Variants in PARD3B observed in about 807,000 individuals in gnomAD.
PARD3B encodes partitioning defective 3 homolog B.
PARD3B carries 103 observed loss-of-function variants against 130.2 expected under a neutral mutation model. The observed-to-expected ratio is 0.79, with a 90% CI of 0.67 to 0.93. The LOEUF is 0.93. Among genes scored for constraint, PARD3B ranks in the 40% least tolerant of loss-of-function variants. PARD3B has a pLI of 0.00. For missense variants in PARD3B, 1,609 were observed against 1,499.2 expected (o/e 1.07, Z -1.21); for synonymous variants, 583 against 553.2 (o/e 1.05, Z -0.76).
At chr2:204,982,819 T>G (rs1046208623) in intron 3 of PARD3B, among the ~76,000 whole-genome samples, 1 of 152,222 alleles carries the variant, frequency 6.6e-6, no homozygotes, top group Non-Finnish European at 1.5e-5. Flanking sequence ...AATTAGTCAT[T>G]GTATCTGATA....
At position 204,890,799 on chromosome 2, in the gene PARD3B, A is replaced by G. The variant is rs2046417105; in HGVS notation, c.223-74353A>G. Reference sequence around the variant, plus strand: ...TTCCCTCACTCATTTTTATTAAGTGATAGCACGTTTCACTGCAGCTACTAC... The same window carrying G: ...TTCCCTCACTCATTTTTATTAAGTGGTAGCACGTTTCACTGCAGCTACTAC... On this transcript the variant is annotated intron_variant, in intron 2 of 22. Coordinates refer to ENST00000406610, the MANE Select transcript of PARD3B (RefSeq NM_001302769.2). This position sits in a 1 kb window ranked among gnomAD's most constrained non-coding sequence, Gnocchi z 4.9. Among the ~76,000 whole-genome samples, 1 of 152,180 alleles carries G rather than the reference A, an allele frequency of 6.6e-6. No homozygotes were observed. Among genetic ancestry groups the G allele is most frequent in the Admixed American group, 6.5e-5 (1 of 15,280 alleles).
chr2:205,221,623 T>C (rs2038242514), intron 15 of PARD3B, among the ~76,000 whole-genome samples: 1 of 152,196 alleles, frequency 6.6e-6, no homozygotes, highest in South Asian at 2.1e-4. Context: ...TAATGGCATA[T>C]TTCAATCACG....
At chr2:205,490,844 T>G (rs1305313002) in intron 20 of PARD3B, among the ~76,000 whole-genome samples, 17 of 152,376 alleles carry the variant, frequency 1.1e-4, no homozygotes, top group Admixed American at 3.3e-4. Flanking sequence ...GTTTTTGATT[T>G]GCATTTCTCT....
intron 2 of PARD3B, among the ~76,000 whole-genome samples, chr2:204,870,842 T>C (rs1359114759): frequency 6.6e-6 from 1 of 152,164 alleles, no homozygotes; most frequent in African/African-American, 2.4e-5. Flanking sequence ...TACCCATTTG[T>C]TTTTGGTTTC....
chr2:204,579,895 A>G (rs1003876377), intron 1 of PARD3B, among the ~76,000 whole-genome samples: 3 of 152,220 alleles, frequency 2.0e-5, no homozygotes, highest in Admixed American at 2.0e-4. Flanking sequence ...ATTGAAGGCT[A>G]GGGTTTGGTT....
chr2:204,844,521 A>G (rs2044386930), intron 2 of PARD3B, among the ~76,000 whole-genome samples: 1 of 152,180 alleles, frequency 6.6e-6, no homozygotes, highest in African/African-American at 2.4e-5. Context: ...CACAGATGTC[A>G]TTTTAGATAT....
chr2:204,790,669 C>G (rs2042169622), intron 2 of PARD3B, among the ~76,000 whole-genome samples: 1 of 152,172 alleles, frequency 6.6e-6, no homozygotes, highest in Non-Finnish European at 1.5e-5. Flanking sequence ...TAGCCAATTA[C>G]TATAACAGAG....
rs191755920 is a variant in PARD3B at position 204,997,367 on chromosome 2, C to T, written c.394+32044C>T. On this transcript the variant is annotated intron_variant, in intron 3 of 22. Transcript: ENST00000406610. ...GCATTCTTACAATACTGAGTCTTCA[C>T]ATGAATGAACATGCTATATCTTCTC... Among the ~76,000 whole-genome samples the T allele has an allele frequency of 3.3e-5, 5 of 152,332 alleles. No individual in the cohort carries two copies. The East Asian group carries it at 9.6e-4, about 29-fold the overall frequency.
intron 19 of PARD3B, among the ~76,000 whole-genome samples, chr2:205,422,775 A>G (rs1214174017): frequency 6.6e-6 from 1 of 152,118 alleles, no homozygotes; most frequent in Non-Finnish European, 1.5e-5. Context: ...GCCACTAGGT[A>G]GGCCAAGGAA....
intron 4 of PARD3B, among the ~76,000 whole-genome samples, chr2:205,067,651 G>C (rs1700474492): frequency 6.6e-6 from 1 of 152,020 alleles, no homozygotes; most frequent in African/African-American, 2.4e-5. Flanking sequence ...TTTTTAAGTG[G>C]TATGTGTGTG....
At position 204,793,569 on chromosome 2, in the gene PARD3B, G is replaced by A. The variant is rs891990563; in HGVS notation, c.222+107287G>A. Among the ~76,000 whole-genome samples, 3 of 152,038 alleles carry A rather than the reference G, an allele frequency of 2.0e-5. No homozygotes were observed. In the East Asian group the frequency reaches 5.8e-4, roughly 29 times the overall value. On this transcript the variant is annotated intron_variant, in intron 2 of 22. Transcript: ENST00000406610. The stretch of plus-strand genomic sequence containing the variant: ...GTCACCCAGGCTGGAGTGCAATGGC[G>A]TGACCTCGGATCACTGCAACTTCTG...
chr2:204,809,826 T>C (rs1408683550), intron 2 of PARD3B, among the ~76,000 whole-genome samples: 1 of 152,194 alleles, frequency 6.6e-6, no homozygotes, highest in Admixed American at 6.5e-5. Context: ...TGTAAGTTGC[T>C]TTGGGCACTA....
intron 20 of PARD3B, among the ~76,000 whole-genome samples, chr2:205,471,783 A>G (rs765181471): frequency 3.3e-5 from 5 of 152,222 alleles, no homozygotes; most frequent in South Asian, 4.1e-4. Context: ...TACATGCCAC[A>G]TGACATGAAA....
intron 16 of PARD3B, among the ~76,000 whole-genome samples, chr2:205,262,901 A>T (rs1326763014): frequency 6.6e-6 from 1 of 152,104 alleles, no homozygotes; most frequent in African/African-American, 2.4e-5. Flanking sequence ...CTGGATATGA[A>T]TACATATTGG....
chr2:205,575,410 G>A lies in PARD3B; in HGVS notation c.3260+22007G>A, dbSNP rs1003947052. On this transcript the variant is annotated intron_variant, in intron 22 of 22. Transcript: ENST00000406610. This position sits in a 1 kb window ranked among gnomAD's most constrained non-coding sequence, Gnocchi z 4.6. The stretch of plus-strand genomic sequence containing the variant: ...CCCAAAGCCCATAGTTTACATTAGC[G>A]CTCTCTCGGTGTTGTTCATTCTGTG... Among the ~76,000 whole-genome samples the A allele has an allele frequency of 6.6e-5, 10 of 151,752 alleles. 1 individual carries two copies. The highest frequency in any genetic ancestry group is 6.9e-3 in the Middle Eastern group (2 of 288).
chr2:204,728,474 C>G (rs1009218174), intron 2 of PARD3B, among the ~76,000 whole-genome samples: 2 of 152,058 alleles, frequency 1.3e-5, no homozygotes, highest in Admixed American at 6.6e-5. Flanking sequence ...GGTGTTGAGG[C>G]TGAGGCAGTA....
chr2:205,179,816 T>C (rs1294943602), intron 13 of PARD3B, among the ~76,000 whole-genome samples: 2 of 152,072 alleles, frequency 1.3e-5, no homozygotes, highest in Non-Finnish European at 2.9e-5. Flanking sequence ...AATGAAACCA[T>C]AGAAGTAGTT....
At chr2:205,356,440 C>T (rs1232008725) in intron 18 of PARD3B, among the ~76,000 whole-genome samples, 1 of 152,128 alleles carries the variant, frequency 6.6e-6, no homozygotes, top group African/African-American at 2.4e-5. Flanking sequence ...TTATCTCAAA[C>T]TCTTGAGCTC....
At chr2:204,724,300 G>T (rs1007338326) in intron 2 of PARD3B, among the ~76,000 whole-genome samples, 2 of 152,080 alleles carry the variant, frequency 1.3e-5, no homozygotes, top group South Asian at 2.1e-4. Context: ...CTTTTTCTTA[G>T]AAGATACTAG....
Sources: gnomAD v4.1 joint callset for allele counts (sites outside exome capture counted in the v4.1 genomes callset) on GRCh38, gnomAD v4.1.1 for gene constraint, Gnocchi (gnomAD v3.1) non-coding constraint, MANE v1.5 for transcripts, NCBI Gene and HGNC (gene_info 2026-07-23, HGNC 2026-07-21) for gene names.